The following RAD23B variants were observed in gnomAD, a reference collection of about 807,000 sequenced individuals.
RAD23B encodes lysine-specific demethylase RAD23B.
A neutral mutation model predicts 49.1 loss-of-function variants in RAD23B; 5 were observed. That is an observed-to-expected ratio of 0.10 (90% confidence interval 0.05 to 0.21). The LOEUF (loss-of-function observed/expected upper bound fraction) is 0.21, where lower values mean the gene tolerates loss of function less well. Ranked by LOEUF, RAD23B falls within the 10% of genes least tolerant of loss-of-function variation. The pLI is 1.00. For missense variants in RAD23B, 356 were observed against 486.7 expected, an observed-to-expected ratio of 0.73 and a Z score of 2.53; for synonymous variants, 184 against 165.4, an observed-to-expected ratio of 1.11 and a Z score of -0.86.
chr9:107,297,389 G>T (rs973559439), intron 1 of RAD23B, among the ~76,000 whole-genome samples: 1 of 152,050 alleles, frequency 6.6e-6, no homozygotes, highest in Non-Finnish European at 1.5e-5. Flanking sequence ...ATCCAGGCTG[G>T]AGTGCAATGG....
intron 5 of RAD23B, among the ~76,000 whole-genome samples, chr9:107,314,595 A>G (rs1054032871): frequency 6.6e-6 from 1 of 152,184 alleles, no homozygotes; most frequent in African/African-American, 2.4e-5. Flanking sequence ...TGATGATTCC[A>G]TATCTTTACT....
At chr9:107,309,695 G>A (rs969720499) in intron 4 of RAD23B, among the ~76,000 whole-genome samples, 1 of 152,134 alleles carries the variant, frequency 6.6e-6, no homozygotes, top group African/African-American at 2.4e-5. Context: ...ACTTTGGGAG[G>A]CAGAGGCAGG....
chr9:107,308,322 G>T (rs186205570), intron 4 of RAD23B, among the ~76,000 whole-genome samples: 28 of 151,446 alleles, frequency 1.8e-4, no homozygotes, highest in African/African-American at 5.1e-4. Context: ...GGGTTCAAGC[G>T]ATTCTCCTGT....
At chr9:107,301,143 C>G (rs1027509754) in intron 2 of RAD23B, among the ~76,000 whole-genome samples, 13 of 152,216 alleles carry the variant, frequency 8.5e-5, no homozygotes, top group African/African-American at 3.1e-4. Flanking sequence ...TAGTGACCTT[C>G]AGCACGACCA....
At chr9:107,292,807 G>C (rs1343699281) in intron 1 of RAD23B, among the ~76,000 whole-genome samples, 3 of 151,784 alleles carry the variant, frequency 2.0e-5, no homozygotes, top group Non-Finnish European at 4.4e-5. Flanking sequence ...GAGCCTGTAT[G>C]TTTAACCTTT....
At chr9:107,284,011 C>A (rs891920973) in intron 1 of RAD23B, 283 of 1,078,448 alleles carry the variant, frequency 2.6e-4, no homozygotes, top group Non-Finnish European at 1.9e-4. Flanking sequence ...AAGGTCCAGG[C>A]CGTCTCAGCC....
chr9:107,301,598 G>C (rs776588453), intron 2 of RAD23B, among the ~76,000 whole-genome samples: 1 of 152,134 alleles, frequency 6.6e-6, no homozygotes, highest in African/African-American at 2.4e-5. Flanking sequence ...GAGTGCAGTG[G>C]TGTGATTATA....
chr9:107,302,524 A>G (rs1826675588), intron 3 of RAD23B, among the ~76,000 whole-genome samples: 1 of 152,204 alleles, frequency 6.6e-6, no homozygotes, highest in Non-Finnish European at 1.5e-5. Flanking sequence ...CTCAAGACAG[A>G]AAAGGCATGA....
intron 4 of RAD23B, among the ~76,000 whole-genome samples, chr9:107,308,895 CTT>C (rs1185553183): frequency 3.3e-5 from 5 of 152,114 alleles, no homozygotes; most frequent in Admixed American, 6.5e-5. Context: ...TGTGGAGTGA[CTT>C]TGTGGGAAGT....
chr9:107,284,992 C>A (rs1833246935), intron 1 of RAD23B: 1 of 1,273,654 alleles, frequency 7.9e-7, no homozygotes, highest in Non-Finnish European at 1.0e-6. Flanking sequence ...TACAGTGTTA[C>A]GTTTTACTTA....
At chr9:107,295,437 A>T (rs1564241480) in intron 1 of RAD23B, among the ~76,000 whole-genome samples, 1 of 152,008 alleles carries the variant, frequency 6.6e-6, no homozygotes, top group Non-Finnish European at 1.5e-5. Flanking sequence ...GGTGGAAATA[A>T]TTAGGTTTGA....
Position 107,318,733 on chromosome 9 carries a change from C to T in RAD23B, c.554-19C>T, listed in dbSNP as rs370592472. 29 of 1,596,184 alleles carry T rather than the reference C, an allele frequency of 1.8e-5. No homozygotes were observed. The highest frequency in any genetic ancestry group is 2.2e-5 in the Non-Finnish European group (26 of 1,169,058). The stretch of plus-strand genomic sequence containing the variant: ...TTTATTAAATGTTCCTTTTTTTCCC[C>T]TCCACCCTCCCTTTTTAGTGACGGG... On this transcript the variant is annotated intron_variant, in intron 5 of 9. Transcript: ENST00000358015. This position sits in a 1 kb window ranked among gnomAD's most constrained non-coding sequence, Gnocchi z 4.3.
intron 9 of RAD23B, among the ~76,000 whole-genome samples, chr9:107,327,011 C>CT (rs1827218764): frequency 6.6e-6 from 1 of 152,202 alleles, no homozygotes. Context: ...TCTAAGCTGT[C>CT]TAATTTGTTG....
rs112298213 is a variant in RAD23B, at chr9:107,331,860, C to G, written c.*2204C>G. On this transcript the variant is annotated 3_prime_UTR_variant, in exon 10 of 10. Coordinates refer to ENST00000358015, the MANE Select transcript of RAD23B (RefSeq NM_002874.5). ...TTTATCTGCTTCTTAAAGAATCAGC[C>G]GAGACACCATAAAAGAAATAGGCTT... 3.6e-6 allele frequency: 2 copies of G among 562,386 alleles called. No individual in the cohort carries two copies. Among genetic ancestry groups the G allele is most frequent in the Non-Finnish European group, 6.4e-6 (2 of 311,902 alleles). 34.8% of individuals were successfully genotyped at this position (562,386 alleles called of 1,614,324 possible). A position where few individuals can be genotyped will look rare whatever the true frequency, so the allele number is the denominator to read the frequency against.
Position 107,283,641 on chromosome 9 carries a change from C to T in RAD23B, c.12C>T (p.Thr4=), listed in dbSNP as rs1056393820. 10 of 1,486,198 alleles carry T rather than the reference C, an allele frequency of 6.7e-6. No individual in the cohort carries two copies. The highest frequency in any genetic ancestry group is 3.1e-5 in the East Asian group (1 of 32,404). 92.1% of individuals were successfully genotyped at this position (1,486,198 alleles called of 1,614,324 possible). A position where few individuals can be genotyped will look rare whatever the true frequency, so the allele number is the denominator to read the frequency against. Residue 4 remains threonine, a synonymous_variant, in exon 1 of 10, where the codon ACC becomes ACT. Coordinates refer to ENST00000358015, the MANE Select transcript of RAD23B (RefSeq NM_002874.5). The part of the protein sequence containing the change: MQV[T]LKTLQQQTFK... ...TGCGCGGCGGCACCATGCAGGTCACCCTGAAGACCCTCCAGCAGCAGACCT... is the reference window on the plus strand; with the variant it reads ...TGCGCGGCGGCACCATGCAGGTCACTCTGAAGACCCTCCAGCAGCAGACCT...
intron 1 of RAD23B, among the ~76,000 whole-genome samples, chr9:107,292,632 A>T (rs1833404967): frequency 6.7e-6 from 1 of 148,802 alleles, no homozygotes. Context: ...GTGAGCCAAG[A>T]TCGTGCCACT....
chr9:107,304,614 C>T (rs930861582), intron 3 of RAD23B, among the ~76,000 whole-genome samples: 1 of 152,162 alleles, frequency 6.6e-6, no homozygotes, highest in Non-Finnish European at 1.5e-5. Context: ...CAAGGCAGCT[C>T]ATTGGTTTTA....
At position 107,288,029 on chromosome 9, in the gene RAD23B, A is replaced by G. The variant is rs1314348069; in HGVS notation, c.66+4334A>G. 3.3e-5 allele frequency among the ~76,000 whole-genome samples: 5 copies of G among 152,324 alleles called. 1 individual carries two copies. The East Asian group carries it at 9.6e-4, about 29-fold the overall frequency. ...GATTAAGGTAATGAGTAGTAAATGT[A>G]TTAAAAATACTATATCACAGAGGTG... On this transcript the variant is annotated intron_variant, in intron 1 of 9. Coordinates refer to ENST00000358015, the MANE Select transcript of RAD23B (RefSeq NM_002874.5).
At position 107,318,443 on chromosome 9, in the gene RAD23B, C is replaced by T. The variant is rs1003492133; in HGVS notation, c.554-309C>T. 2.0e-5 allele frequency among the ~76,000 whole-genome samples: 3 copies of T among 152,186 alleles called. No individual in the cohort carries two copies. Among genetic ancestry groups the T allele is most frequent in the African/African-American group, 7.2e-5 (3 of 41,428 alleles). ...CTACTATTAAGGATTCATGTCATTA[C>T]ACTGGACCCACCTGGATAATCCAGA... On this transcript the variant is annotated intron_variant, in intron 5 of 9. Coordinates refer to ENST00000358015, the MANE Select transcript of RAD23B (RefSeq NM_002874.5). This position sits in a 1 kb window ranked among gnomAD's most constrained non-coding sequence, Gnocchi z 4.3.
Sources: gnomAD v4.1 joint callset for allele counts (sites outside exome capture counted in the v4.1 genomes callset) on GRCh38, gnomAD v4.1.1 for gene constraint, Gnocchi (gnomAD v3.1) non-coding constraint, MANE v1.5 for transcripts, NCBI Gene and HGNC (gene_info 2026-07-23, HGNC 2026-07-21) for gene names.